The following SLC1A4 variants were observed in gnomAD, a reference collection of about 807,000 sequenced individuals.
SLC1A4 encodes the protein solute carrier family 1 member 4.
A neutral mutation model predicts 37.7 loss-of-function variants in SLC1A4; 19 were observed. That is an observed-to-expected ratio of 0.50 (90% confidence interval 0.35 to 0.74). The LOEUF (loss-of-function observed/expected upper bound fraction) is 0.74. SLC1A4 is among the 30% of genes least tolerant of loss of function. The probability of loss-of-function intolerance (pLI) is 0.01; values close to 1 mark genes in which losing one functional copy is unlikely to be tolerated. For synonymous variants in SLC1A4, 299 were observed against 309.8 expected, an observed-to-expected ratio of 0.97 and a Z score of 0.37; for missense variants, 570 against 712.9, an observed-to-expected ratio of 0.80 and a Z score of 2.28.
intron 4 of SLC1A4, among the ~76,000 whole-genome samples, chr2:65,012,636 T>C (rs1305284490): frequency 2.0e-5 from 3 of 152,258 alleles, no homozygotes; most frequent in African/African-American, 7.2e-5. Flanking sequence ...ATTGTTGTTC[T>C]AGGGAGAGAA....
chr2:64,990,251 A>T (rs1176979431), intron 1 of SLC1A4, 81 bp downstream of exon 1: 2 of 1,262,228 alleles, frequency 1.6e-6, no homozygotes, highest in African/African-American at 3.0e-5. Context: ...CCATATGCTT[A>T]TACACTCCTA....
intron 4 of SLC1A4, 46 bp from the exon 5 acceptor site, chr2:65,016,394 C>T: frequency 6.7e-7 from 1 of 1,481,632 alleles, no homozygotes; most frequent in Non-Finnish European, 9.4e-7. Context: ...CATCTCTCAC[C>T]CCAGCTTTAT....
At chr2:65,007,756 TTAATA>T (rs1673744626) in intron 3 of SLC1A4, among the ~76,000 whole-genome samples, 1 of 152,214 alleles carries the variant, frequency 6.6e-6, no homozygotes, top group South Asian at 2.1e-4. Flanking sequence ...ATGTAATACA[TTAATA>T]TAATTTGCAA....
intron 1 of SLC1A4, 81 bp downstream of exon 1, chr2:64,990,251 A>G (rs1176979431): frequency 4.0e-6 from 5 of 1,262,230 alleles, no homozygotes; most frequent in Non-Finnish European, 3.2e-6. Context: ...CCATATGCTT[A>G]TACACTCCTA....
chr2:65,004,146 T>C, intron 3 of SLC1A4, 131 bp downstream of exon 3: 1 of 709,724 alleles, frequency 1.4e-6, no homozygotes. Context: ...ACAGGTTAGG[T>C]TTGCTCCTTT....
intron 2 of SLC1A4, 21 bp from the exon 3 acceptor site, chr2:65,003,932 T>A: frequency 6.2e-7 from 1 of 1,612,458 alleles, no homozygotes; most frequent in Non-Finnish European, 8.5e-7. Flanking sequence ...ACAGTGGGTT[T>A]TTTTTTCCTC....
intron 1 of SLC1A4, among the ~76,000 whole-genome samples, chr2:64,998,277 C>T (rs960688541): frequency 2.2e-4 from 33 of 151,684 alleles, no homozygotes; most frequent in African/African-American, 7.3e-4. Flanking sequence ...ATAAATTAGC[C>T]GGGCGTGGTG....
intron 3 of SLC1A4, among the ~76,000 whole-genome samples, chr2:65,006,981 C>T (rs77703832): frequency 0.013 from 2,034 of 152,272 alleles, 22 homozygotes; most frequent in Non-Finnish European, 0.019. Context: ...GCCTCTGACC[C>T]GTGGCTCTAT....
chr2:65,003,852 A>G, intron 2 of SLC1A4, 101 bp from the exon 3 acceptor site: 6 of 832,180 alleles, frequency 7.2e-6, no homozygotes, highest in Non-Finnish European at 1.2e-5. Flanking sequence ...CTCAGTGTGA[A>G]CAGTGACAGA....
chr2:65,008,294 C>T (rs185333308), intron 3 of SLC1A4, among the ~76,000 whole-genome samples: 2 of 152,156 alleles, frequency 1.3e-5, no homozygotes. Flanking sequence ...TTCAGCTATA[C>T]CCACCGCACC....
intron 3 of SLC1A4, among the ~76,000 whole-genome samples, chr2:65,004,803 A>C (rs150617530): frequency 6.6e-6 from 1 of 152,324 alleles, no homozygotes; most frequent in Non-Finnish European, 1.5e-5. Context: ...AGAATAAATA[A>C]ATTGAGATTT....
rs1047991719 is a variant in SLC1A4, at chr2:65,020,788, C to G, written c.1365-124C>G. 3.3e-5 allele frequency: 24 copies of G among 724,760 alleles called. No homozygotes were observed. In the African/African-American group the frequency reaches 4.0e-4, roughly 12 times the overall value. The allele number at this position is 724,760 out of a possible 1,614,324, so 44.9% of individuals were successfully genotyped here. On this transcript the variant is annotated intron_variant, in intron 7 of 7. Coordinates refer to ENST00000234256, the MANE Select transcript of SLC1A4 (RefSeq NM_003038.5). Reference sequence around the variant, plus strand: ...TAAGGTAAAGCCAATGCCTTAGAAGCATGCTCTCCAGGAAGCAACAGGGCC... The same window carrying G: ...TAAGGTAAAGCCAATGCCTTAGAAGGATGCTCTCCAGGAAGCAACAGGGCC...
At chr2:64,988,507 C>G (rs1369148099), upstream of SLC1A4, 1 of 152,390 alleles carries the variant, frequency 6.6e-6, no homozygotes, top group African/African-American at 2.4e-5. Flanking sequence ...TGGCGGGCGA[C>G]CCAGCCCCAT....
chr2:65,017,622 G>GT (rs1203598019), intron 5 of SLC1A4, among the ~76,000 whole-genome samples: 4 of 151,924 alleles, frequency 2.6e-5, no homozygotes, highest in Non-Finnish European at 5.9e-5. Flanking sequence ...TGTTCTTATG[G>GT]TTATCTACTT....
At chr2:65,010,516 T>G (rs1412580391) in intron 3 of SLC1A4, 81 bp from the exon 4 acceptor site, 2 of 1,182,038 alleles carry the variant, frequency 1.7e-6, no homozygotes, top group East Asian at 2.5e-5. Context: ...AGTGTTTCAG[T>G]CTGGTGGGGA....
chr2:65,016,690 T>C lies in SLC1A4; in HGVS notation c.1034+17T>C, dbSNP rs756906360. The C allele has an allele frequency of 6.5e-7, 1 of 1,539,108 alleles. No homozygotes were observed. Among genetic ancestry groups the C allele is most frequent in the South Asian group, 1.1e-5 (1 of 89,568 alleles). Reference sequence around the variant, plus strand: ...CTGCTCCAGGTGAGTGGGTTTTGGGTCTCTTCACTGCTCTGAGCCATGTTA... The same window carrying C: ...CTGCTCCAGGTGAGTGGGTTTTGGGCCTCTTCACTGCTCTGAGCCATGTTA... On this transcript the variant is annotated intron_variant, in intron 5 of 7. Transcript: ENST00000234256.
intron 3 of SLC1A4, among the ~76,000 whole-genome samples, chr2:65,005,780 GC>G (rs1490058575): frequency 6.6e-6 from 1 of 151,986 alleles, no homozygotes; most frequent in African/African-American, 2.4e-5. Context: ...GACTTCTTGA[GC>G]CCAGGAGTTC....
rs202237988 is a variant in SLC1A4, at chr2:65,016,503, C to T, written c.864C>T (p.Ile288=). The part of the protein sequence containing the change: ...GSKIVEMKDI[I]VLVTSLGKYI... ...AGATCGTGGAAATGAAAGACATCAT[C>T]GTGCTGGTGACCAGCCTGGGGAAAT... The change falls in exon 5 of 8, where the codon ATC becomes ATT. Residue 288 remains isoleucine (I), a synonymous_variant. Coordinates refer to ENST00000234256, the MANE Select transcript of SLC1A4 (RefSeq NM_003038.5). The T allele has an allele frequency of 5.5e-5, 88 of 1,614,112 alleles. No homozygotes were observed. The highest frequency in any genetic ancestry group is 2.1e-4 in the African/African-American group (16 of 74,930).
chr2:65,018,103 T>C lies in SLC1A4; in HGVS notation c.1067T>C (p.Ile356Thr), dbSNP rs755371600. ...ACCCTTCCCTCTATGATGAAGTGCATTGAAGAGAACAATGGTGTGGACAAG... is the reference window on the plus strand; with the variant it reads ...ACCCTTCCCTCTATGATGAAGTGCACTGAAGAGAACAATGGTGTGGACAAG... ...SATLPSMMKC[I>T]EENNGVDKRI... Residue 356 changes from isoleucine (I) to threonine (T), a missense_variant, in exon 6 of 8, where the codon ATT becomes ACT. Physicochemically the swap from Ile to Thr is moderately conservative, Grantham distance 89. Coordinates refer to ENST00000234256, the MANE Select transcript of SLC1A4 (RefSeq NM_003038.5). The surrounding 1 kb of genome is among the most constrained non-coding windows in gnomAD (Gnocchi z 4.3). 17 of 1,614,024 alleles carry C rather than the reference T, an allele frequency of 1.1e-5. No individual in the cohort carries two copies. Among genetic ancestry groups the C allele is most frequent in the East Asian group, 4.5e-5 (2 of 44,894 alleles).
Sources: gnomAD v4.1 joint callset for allele counts (sites outside exome capture counted in the v4.1 genomes callset) on GRCh38, gnomAD v4.1.1 for gene constraint, Gnocchi (gnomAD v3.1) non-coding constraint, MANE v1.5 for transcripts, NCBI Gene and HGNC (gene_info 2026-07-23, HGNC 2026-07-21) for gene names.